The following CNIH3 variants were observed in gnomAD, a reference collection of about 807,000 sequenced individuals.
CNIH3 encodes protein cornichon homolog 3.
CNIH3 carries 14 observed loss-of-function variants against 24.1 expected under a neutral mutation model. That is an observed-to-expected ratio of 0.58 (90% CI 0.38 to 0.91). The LOEUF (loss-of-function observed/expected upper bound fraction) is 0.91. Ranked by LOEUF, CNIH3 falls within the 40% of genes least tolerant of loss-of-function variation. CNIH3 has a pLI of 0.00. For synonymous variants in CNIH3, 68 were observed against 73.8 expected (o/e 0.92, Z 0.40); for missense variants, 178 against 196.8 (o/e 0.90, Z 0.57).
rs565740912 is a variant in CNIH3 at position 224,690,621 on chromosome 1, G to A, written c.198+5778G>A. Among the ~76,000 whole-genome samples the A allele has an allele frequency of 3.9e-5, 6 of 152,346 alleles. No individual in the cohort carries two copies. In the South Asian group the frequency reaches 8.3e-4, roughly 21 times the overall value. ...GTCCCTTCTGGCTTGACAATTCTGT[G>A]ATTCTCCAATTCATGTCCCAGTTTC... On this transcript the variant is annotated intron_variant, in intron 3 of 5. Transcript: ENST00000272133.
intron 2 of CNIH3, among the ~76,000 whole-genome samples, chr1:224,681,253 A>G (rs1271714774): frequency 6.6e-6 from 1 of 152,094 alleles, no homozygotes; most frequent in African/African-American, 2.4e-5. Context: ...AACCCAGGGG[A>G]ATAGTCTACT....
At chr1:224,737,557 A>AT (rs1689657815) in intron 5 of CNIH3, among the ~76,000 whole-genome samples, 1 of 151,956 alleles carries the variant, frequency 6.6e-6, no homozygotes, top group South Asian at 2.1e-4. Flanking sequence ...GAGCTGGTGG[A>AT]GAGCACAGCA....
At chr1:224,512,705 C>A (rs1013539412), upstream of CNIH3, among the ~76,000 whole-genome samples, 2 of 152,100 alleles carry the variant, frequency 1.3e-5, no homozygotes, top group African/African-American at 4.8e-5. Flanking sequence ...TTCATCCCAC[C>A]CACCCTGCCA....
intron 2 of CNIH3, among the ~76,000 whole-genome samples, chr1:224,530,745 G>T (rs771575987): frequency 9.2e-5 from 14 of 152,006 alleles, no homozygotes; most frequent in Non-Finnish European, 1.8e-4. Flanking sequence ...GATTACAGGC[G>T]CCTGCCACCA....
chr1:224,723,593 C>T (rs191818414), intron 3 of CNIH3, among the ~76,000 whole-genome samples: 4 of 152,344 alleles, frequency 2.6e-5, no homozygotes, highest in East Asian at 3.9e-4. Flanking sequence ...ACTGGGCCTC[C>T]CCAGGCCAGG....
At chr1:224,528,628 T>C (rs1232745873) in intron 2 of CNIH3, among the ~76,000 whole-genome samples, 2 of 152,210 alleles carry the variant, frequency 1.3e-5, no homozygotes, top group Non-Finnish European at 2.9e-5. Context: ...CAATGCCTGG[T>C]GCTAATAGTA....
intron 3 of CNIH3, among the ~76,000 whole-genome samples, chr1:224,718,083 C>T (rs572070860): frequency 3.3e-5 from 5 of 152,210 alleles, no homozygotes; most frequent in African/African-American, 1.2e-4. Context: ...AGACAAGCTG[C>T]CCTATGGAAC....
chr1:224,593,218 T>C (rs568825786), downstream of CNIH3, among the ~76,000 whole-genome samples: 2 of 151,438 alleles, frequency 1.3e-5, no homozygotes, highest in Non-Finnish European at 2.9e-5. Context: ...CGCAGTGGCA[T>C]GATCTCAGCT....
chr1:224,465,859 C>T (rs546187889), intron 1 of CNIH3, among the ~76,000 whole-genome samples: 1 of 152,232 alleles, frequency 6.6e-6, no homozygotes, highest in South Asian at 2.1e-4. Flanking sequence ...GAAACCCCAT[C>T]TCCACTAAAA....
At chr1:224,734,267 C>G (rs1474922516) in intron 4 of CNIH3, among the ~76,000 whole-genome samples, 1 of 152,222 alleles carries the variant, frequency 6.6e-6, no homozygotes, top group Non-Finnish European at 1.5e-5. Flanking sequence ...TGAGAGGCGG[C>G]TCTTCCTCAG....
At chr1:224,536,216 C>G (rs1396354221) in intron 2 of CNIH3, among the ~76,000 whole-genome samples, 1 of 151,040 alleles carries the variant, frequency 6.6e-6, no homozygotes, top group Non-Finnish European at 1.5e-5. Context: ...GTCTCCCTTT[C>G]AAGCCTATTT....
upstream of CNIH3, among the ~76,000 whole-genome samples, chr1:224,515,428 G>C (rs1234325194): frequency 6.6e-6 from 1 of 152,184 alleles, no homozygotes; most frequent in African/African-American, 2.4e-5. Flanking sequence ...CTAATATCTT[G>C]AGCACAATTA....
At chr1:224,480,507 A>T (rs892675055) in intron 1 of CNIH3, among the ~76,000 whole-genome samples, 2 of 152,178 alleles carry the variant, frequency 1.3e-5, no homozygotes, top group African/African-American at 2.4e-5. Flanking sequence ...AAATTTTCTG[A>T]ACTTTTATGC....
At chr1:224,634,088 G>A (rs985453404) in intron 1 of CNIH3, among the ~76,000 whole-genome samples, 1 of 152,216 alleles carries the variant, frequency 6.6e-6, no homozygotes, top group Non-Finnish European at 1.5e-5. Flanking sequence ...GCAAGGGGAT[G>A]ACTACCCACC....
At chr1:224,733,327 A>T (rs1000946445) in intron 4 of CNIH3, among the ~76,000 whole-genome samples, 1 of 152,238 alleles carries the variant, frequency 6.6e-6, no homozygotes, top group Non-Finnish European at 1.5e-5. Flanking sequence ...ACGGAGCCAC[A>T]TGGCCACCCT....
At position 224,563,460 on chromosome 1, in the gene CNIH3, G is replaced by GGTGTGTGT. The variant is rs55836837; in HGVS notation, n.451-2708_451-2701dup. ...TACTACATTGAAATATTTTAGACGG[G>GGTGTGTGT]GTGTGTGTGTGTGTGTGTGTGTGTG... On this transcript the variant is annotated intron_variant and non_coding_transcript_variant, in intron 3 of 5. Transcript: ENST00000471578. Among the ~76,000 whole-genome samples the GGTGTGTGT allele has an allele frequency of 6.2e-3, 914 of 146,460 alleles. 5 individuals are homozygous for GGTGTGTGT. The highest frequency in any genetic ancestry group is 0.02 in the African/African-American group (800 of 39,612).
At chr1:224,729,797 T>G (rs1012304785) in intron 3 of CNIH3, among the ~76,000 whole-genome samples, 15 of 152,186 alleles carry the variant, frequency 9.9e-5, no homozygotes, top group African/African-American at 3.6e-4. Flanking sequence ...TTAGTCTTCC[T>G]GCTGGTCACA....
intron 3 of CNIH3, among the ~76,000 whole-genome samples, chr1:224,710,405 G>A (rs115553918): frequency 4.6e-5 from 7 of 152,196 alleles, no homozygotes; most frequent in African/African-American, 9.6e-5. Flanking sequence ...CTTGGTCTTC[G>A]TTCAAGTCCT....
At chr1:224,694,702 G>A (rs1474736478) in intron 3 of CNIH3, among the ~76,000 whole-genome samples, 3 of 152,300 alleles carry the variant, frequency 2.0e-5, no homozygotes, top group South Asian at 2.1e-4. Context: ...CAGCCAACGA[G>A]TGGAAAGAAA....
Sources: gnomAD v4.1 joint callset for allele counts (sites outside exome capture counted in the v4.1 genomes callset) on GRCh38, gnomAD v4.1.1 for gene constraint, MANE v1.5 for transcripts, NCBI Gene and HGNC (gene_info 2026-07-23, HGNC 2026-07-21) for gene names.